Variants in KCNH1 observed in about 807,000 individuals in gnomAD.
KCNH1 encodes voltage-gated delayed rectifier potassium channel KCNH1.
Under a neutral mutation model 69.2 loss-of-function variants are expected in KCNH1, and 27 were observed. That is an observed-to-expected ratio of 0.39 (90% confidence interval 0.29 to 0.54). The LOEUF is 0.54. Ranked by LOEUF, KCNH1 falls within the 20% of genes least tolerant of loss-of-function variation. The probability of loss-of-function intolerance (pLI) is 0.68; values close to 1 mark genes in which losing one functional copy is unlikely to be tolerated. For synonymous variants in KCNH1, 456 were observed against 487.7 expected, an observed-to-expected ratio of 0.93 and a Z score of 0.86; for missense variants, 798 against 1,261.6, an observed-to-expected ratio of 0.63 and a Z score of 5.57.
intron 10 of KCNH1, among the ~76,000 whole-genome samples, chr1:210,708,117 G>C (rs150254884): frequency 2.6e-4 from 39 of 152,284 alleles, no homozygotes; most frequent in African/African-American, 8.2e-4. Flanking sequence ...AGCAAAGAAG[G>C]AATCCACTGT....
At chr1:210,877,697 A>C in intron 7 of KCNH1, among the ~76,000 whole-genome samples, 1 of 152,326 alleles carries the variant, frequency 6.6e-6, no homozygotes, top group South Asian at 2.1e-4. Context: ...ATATAAAGAT[A>C]TCTATAGCCT....
chr1:210,946,284 C>T (rs937323287), intron 6 of KCNH1, among the ~76,000 whole-genome samples: 4 of 152,180 alleles, frequency 2.6e-5, no homozygotes, highest in African/African-American at 7.2e-5. Flanking sequence ...GAAAACAGCC[C>T]CAGGATACCC....
intron 9 of KCNH1, among the ~76,000 whole-genome samples, chr1:210,795,960 AAAACACACACACACACAC>A (rs758140032): frequency 0.022 from 1,487 of 68,520 alleles, 14 homozygotes; most frequent in Middle Eastern, 0.065. Context: ...ATCTCTACTA[AAAACACACACACACACAC>A]ACACACACAC....
At position 210,807,335 on chromosome 1, in the gene KCNH1, T is replaced by C. The variant is rs759428228; in HGVS notation, c.1463-3169A>G. Among the ~76,000 whole-genome samples the C allele has an allele frequency of 6.4e-4, 97 of 152,252 alleles. 1 individual carries two copies. Among genetic ancestry groups the C allele is most frequent in the Non-Finnish European group, 3.8e-4 (26 of 68,024 alleles). ...AGAATGTTATAAAAGCCAGGCACAG[T>C]GGCTCATGCCTGTAATCCCAGCACT... On this transcript the variant is annotated intron_variant, in intron 7 of 10. Transcript: ENST00000271751.
chr1:210,728,762 T>C (rs999668239), intron 10 of KCNH1, among the ~76,000 whole-genome samples: 4 of 152,206 alleles, frequency 2.6e-5, no homozygotes, highest in Admixed American at 2.0e-4. Context: ...GACAGCCCCT[T>C]AGGTAGAAAG....
chr1:210,825,159 C>G (rs1006396765), intron 7 of KCNH1, among the ~76,000 whole-genome samples: 1 of 152,160 alleles, frequency 6.6e-6, no homozygotes, highest in Non-Finnish European at 1.5e-5. Context: ...ATACCCAAAT[C>G]TGAATAACCA....
chr1:210,909,857 T>C (rs1453497771), intron 7 of KCNH1, among the ~76,000 whole-genome samples: 1 of 152,218 alleles, frequency 6.6e-6, no homozygotes, highest in Non-Finnish European at 1.5e-5. Context: ...ACCACTATCA[T>C]GGGCTATAGC....
At chr1:210,896,879 A>G (rs1686880678) in intron 7 of KCNH1, among the ~76,000 whole-genome samples, 1 of 152,216 alleles carries the variant, frequency 6.6e-6, no homozygotes, top group Non-Finnish European at 1.5e-5. Context: ...GTACAGTTAC[A>G]AAATGCCATC....
intron 10 of KCNH1, among the ~76,000 whole-genome samples, chr1:210,714,126 A>C (rs1019018571): frequency 1.3e-5 from 2 of 152,192 alleles, no homozygotes; most frequent in African/African-American, 2.4e-5. Context: ...GAGAGAGGCA[A>C]CTGGGGTCAC....
chr1:210,867,243 TTTAA>T (rs1176027585), intron 7 of KCNH1, among the ~76,000 whole-genome samples: 1 of 151,786 alleles, frequency 6.6e-6, no homozygotes, highest in Non-Finnish European at 1.5e-5. Flanking sequence ...AATTGTACAT[TTTAA>T]TTATGCAAAT....
At chr1:210,707,612 A>G (rs1681946155) in intron 10 of KCNH1, among the ~76,000 whole-genome samples, 1 of 152,186 alleles carries the variant, frequency 6.6e-6, no homozygotes, top group Admixed American at 6.5e-5. Context: ...CTGGCCACAC[A>G]GAGGGAAAAC....
chr1:210,863,279 G>T (rs1686020441), intron 7 of KCNH1, among the ~76,000 whole-genome samples: 1 of 152,160 alleles, frequency 6.6e-6, no homozygotes, highest in Non-Finnish European at 1.5e-5. Context: ...TAGAATCTAA[G>T]ATTACTTTTA....
At chr1:211,084,801 G>A (rs1690923972) in intron 4 of KCNH1, among the ~76,000 whole-genome samples, 1 of 152,132 alleles carries the variant, frequency 6.6e-6, no homozygotes, top group Non-Finnish European at 1.5e-5. Context: ...TGCCTCGCCA[G>A]ATGAAAAAAT....
In KCNH1 at chr1:210,758,165, G is replaced by A. The variant is rs76560368; in HGVS notation, c.2112+17183C>T. Among the ~76,000 whole-genome samples the A allele has an allele frequency of 2.7e-3, 411 of 152,296 alleles. 7 individuals carry two copies. Among genetic ancestry groups the A allele is most frequent in the Non-Finnish European group, 2.2e-3 (150 of 68,032 alleles). On this transcript the variant is annotated intron_variant, in intron 10 of 10. Transcript: ENST00000271751. ...TGCTCTAGTCACAAGTCCACAGATGGTACCTTTTTGAGAGTTTAGAGACAT... is the reference window on the plus strand; with the variant it reads ...TGCTCTAGTCACAAGTCCACAGATGATACCTTTTTGAGAGTTTAGAGACAT...
intron 7 of KCNH1, among the ~76,000 whole-genome samples, chr1:210,829,252 T>C (rs1685107829): frequency 6.6e-6 from 1 of 152,028 alleles, no homozygotes; most frequent in Non-Finnish European, 1.5e-5. Flanking sequence ...ATATATTTGT[T>C]AACCAACTAA....
chr1:210,878,917 A>G (rs977407306), intron 7 of KCNH1, among the ~76,000 whole-genome samples: 2 of 152,090 alleles, frequency 1.3e-5, no homozygotes, highest in African/African-American at 4.8e-5. Context: ...GAGAGGACAT[A>G]AATTACTAAT....
chr1:210,767,428 C>T (rs1236366987), intron 10 of KCNH1, among the ~76,000 whole-genome samples: 2 of 152,158 alleles, frequency 1.3e-5, no homozygotes, highest in Non-Finnish European at 2.9e-5. Flanking sequence ...TATATTTTGG[C>T]TTCTTGATGT....
At chr1:210,926,557 C>A (rs116633779) in intron 6 of KCNH1, among the ~76,000 whole-genome samples, 2,651 of 152,252 alleles carry the variant, frequency 0.017, 75 homozygotes, top group African/African-American at 0.06. Context: ...ACAAAAGAAT[C>A]TGAACAATAG....
intron 10 of KCNH1, among the ~76,000 whole-genome samples, chr1:210,743,294 G>A (rs2149038185): frequency 6.6e-6 from 1 of 152,290 alleles, no homozygotes. Context: ...CCTGAAAGAG[G>A]CCCTAGGGTG....
Sources: gnomAD v4.1 joint callset for allele counts (sites outside exome capture counted in the v4.1 genomes callset) on GRCh38, gnomAD v4.1.1 for gene constraint, MANE v1.5 for transcripts, NCBI Gene and HGNC (gene_info 2026-07-23, HGNC 2026-07-21) for gene names.